Variants in IQUB observed in about 807,000 individuals in gnomAD.
IQUB encodes IQ motif and ubiquitin-like domain-containing protein.
IQUB carries 86 observed loss-of-function variants against 86.4 expected under a neutral mutation model. That is an observed-to-expected ratio of 1.00 (90% CI 0.84 to 1.19). IQUB has a LOEUF of 1.19. IQUB is among the 50% of genes most tolerant of loss of function. IQUB has a pLI of 0.00. For synonymous variants in IQUB, 289 were observed against 304.5 expected (o/e 0.95, Z 0.53); for missense variants, 946 against 916.9 (o/e 1.03, Z -0.41).
At chr7:123,475,959 A>G (rs1306043496) in intron 8 of IQUB, among the ~76,000 whole-genome samples, 1 of 152,214 alleles carries the variant, frequency 6.6e-6, no homozygotes, top group Non-Finnish European at 1.5e-5. Context: ...GAATTAATAT[A>G]TTTAAGCATT....
intron 9 of IQUB, among the ~76,000 whole-genome samples, chr7:123,466,802 T>C (rs949411643): frequency 6.6e-6 from 1 of 152,172 alleles, no homozygotes; most frequent in Non-Finnish European, 1.5e-5. Context: ...TTGTTATATA[T>C]AGTGAACCAC....
At chr7:123,515,172 G>C (rs1457781514) in intron 1 of IQUB, among the ~76,000 whole-genome samples, 1 of 151,896 alleles carries the variant, frequency 6.6e-6, no homozygotes, top group Non-Finnish European at 1.5e-5. Flanking sequence ...TCCTGTAACA[G>C]AGCTTAATGG....
At chr7:123,517,645 G>A (rs964666843) in intron 1 of IQUB, among the ~76,000 whole-genome samples, 6 of 150,460 alleles carry the variant, frequency 4.0e-5, no homozygotes, top group African/African-American at 1.5e-4. Context: ...TGTCTCTTAA[G>A]CAGAAATTCT....
rs545940310 is a variant in IQUB at position 123,522,728 on chromosome 7, G to A, written c.-4-10384C>T. ...AAATACTTTTATTATTATACTTTAAGTTTTAGGGTACATGTGCACAATGTG... is the reference window on the plus strand; with the variant it reads ...AAATACTTTTATTATTATACTTTAAATTTTAGGGTACATGTGCACAATGTG... On this transcript the variant is annotated intron_variant, in intron 1 of 12. Coordinates refer to ENST00000324698, the MANE Select transcript of IQUB (RefSeq NM_178827.5). 2.0e-5 allele frequency among the ~76,000 whole-genome samples: 3 copies of A among 152,188 alleles called. No homozygotes were observed. The South Asian group carries it at 6.2e-4, about 32-fold the overall frequency.
At chr7:123,468,101 T>C (rs536010348) in intron 9 of IQUB, among the ~76,000 whole-genome samples, 1 of 152,292 alleles carries the variant, frequency 6.6e-6, no homozygotes, top group African/African-American at 2.4e-5. Context: ...GGTATATCTT[T>C]GCTTGATTTT....
At chr7:123,529,529 A>T (rs2117389000) in intron 1 of IQUB, among the ~76,000 whole-genome samples, 1 of 151,306 alleles carries the variant, frequency 6.6e-6, no homozygotes, top group East Asian at 1.9e-4. Flanking sequence ...CAGTTTTTAA[A>T]GTTATGTTAA....
In IQUB at chr7:123,530,902, C is replaced by T. The variant is rs187162631; in HGVS notation, c.-5+3590G>A. Among the ~76,000 whole-genome samples the T allele has an allele frequency of 2.8e-4, 43 of 152,120 alleles. No individual in the cohort carries two copies. In the East Asian group the frequency reaches 7.9e-3, roughly 28 times the overall value. ...ATGTTGGCCAGGCTGGTCTCAAACTCCTGACCTCAGGTGCTCCGCCCGCCT... is the reference window on the plus strand; with the variant it reads ...ATGTTGGCCAGGCTGGTCTCAAACTTCTGACCTCAGGTGCTCCGCCCGCCT... On this transcript the variant is annotated intron_variant, in intron 1 of 12. Transcript: ENST00000324698.
intron 8 of IQUB, among the ~76,000 whole-genome samples, chr7:123,469,607 C>T (rs866535933): frequency 2.6e-5 from 4 of 152,064 alleles, no homozygotes; most frequent in African/African-American, 4.8e-5. Flanking sequence ...GAAGTTCATA[C>T]ACTTCTACAA....
intron 11 of IQUB, among the ~76,000 whole-genome samples, chr7:123,459,123 T>C (rs1010277775): frequency 3.9e-5 from 6 of 151,974 alleles, no homozygotes; most frequent in African/African-American, 1.4e-4. Flanking sequence ...CTGCTAATCC[T>C]AGACATTGGA....
chr7:123,465,869 A>T (rs1466311550), intron 9 of IQUB, among the ~76,000 whole-genome samples: 2 of 151,980 alleles, frequency 1.3e-5, no homozygotes, highest in Non-Finnish European at 1.5e-5. Context: ...ACTGCTCTGA[A>T]GTGGGGCCTA....
intron 7 of IQUB, among the ~76,000 whole-genome samples, chr7:123,487,397 C>G (rs942601569): frequency 6.6e-6 from 1 of 152,190 alleles, no homozygotes; most frequent in Non-Finnish European, 1.5e-5. Context: ...TAACAGAGAA[C>G]CCTGGTAAGA....
At chr7:123,465,498 C>A (rs1024506380) in intron 9 of IQUB, among the ~76,000 whole-genome samples, 1 of 151,912 alleles carries the variant, frequency 6.6e-6, no homozygotes, top group East Asian at 1.9e-4. Context: ...TTAAACTGTA[C>A]GTATATATTT....
intron 10 of IQUB, among the ~76,000 whole-genome samples, chr7:123,463,522 T>C (rs1794098928): frequency 6.6e-6 from 1 of 151,804 alleles, no homozygotes. Flanking sequence ...GTGAAAGAAG[T>C]CAGTCTCAAA....
Position 123,502,991 on chromosome 7 carries a change from G to T in IQUB, c.820C>A (p.Pro274Thr), listed in dbSNP as rs749945228. 58 of 1,612,598 alleles carry T rather than the reference G, an allele frequency of 3.6e-5. No individual in the cohort carries two copies. The highest frequency in any genetic ancestry group is 1.6e-4 in the Middle Eastern group (1 of 6,068). The part of the protein sequence containing the change: ...EYHNAGTQTV[P>T]KRIPERLSIF... ...CTGAGTCTTTCGGGAATCCTTTTAG[G>T]TACAGTTTGTGTTCCAGCATTGTGA... The change falls in exon 5 of 13, where the codon CCT (proline) becomes ACT (threonine). Residue 274 changes from proline to threonine, a missense_variant. Coordinates refer to ENST00000324698, the MANE Select transcript of IQUB (RefSeq NM_178827.5).
intron 1 of IQUB, among the ~76,000 whole-genome samples, chr7:123,515,331 A>G (rs1440027555): frequency 1.3e-5 from 2 of 152,248 alleles, no homozygotes; most frequent in Non-Finnish European, 2.9e-5. Context: ...AACTGGGAGA[A>G]TAAAAAGACA....
At chr7:123,525,533 G>A (rs1412443117) in intron 1 of IQUB, among the ~76,000 whole-genome samples, 1 of 152,008 alleles carries the variant, frequency 6.6e-6, no homozygotes, top group Non-Finnish European at 1.5e-5. Context: ...TATTTCTGTG[G>A]GATAGGTGGT....
At chr7:123,485,167 C>T (rs1190048690) in intron 7 of IQUB, among the ~76,000 whole-genome samples, 5 of 152,036 alleles carry the variant, frequency 3.3e-5, no homozygotes, top group African/African-American at 4.8e-5. Context: ...AACTTTATTT[C>T]GTCAAAATTC....
At chr7:123,524,509 G>A (rs1265788849) in intron 1 of IQUB, among the ~76,000 whole-genome samples, 2 of 147,996 alleles carry the variant, frequency 1.4e-5, no homozygotes, top group Non-Finnish European at 3.0e-5. Flanking sequence ...TCTGTCTGTT[G>A]TTGGTGTATA....
At chr7:123,494,243 T>C (rs1433284689) in intron 7 of IQUB, among the ~76,000 whole-genome samples, 1 of 152,106 alleles carries the variant, frequency 6.6e-6, no homozygotes, top group African/African-American at 2.4e-5. Flanking sequence ...CTTTGACATA[T>C]TACCTTATAC....
Sources: allele counts gnomAD v4.1 joint callset (sites outside exome capture counted in the v4.1 genomes callset), GRCh38; gene constraint gnomAD v4.1.1; transcripts MANE v1.5; gene names NCBI Gene and HGNC (gene_info 2026-07-23, HGNC 2026-07-21).